The following CDH13 variants were observed in gnomAD, a reference collection of about 807,000 sequenced individuals.
CDH13 encodes the protein cadherin-13.
In CDH13, 24 loss-of-function variants were observed where a neutral mutation model predicts 63.8. The observed-to-expected ratio is 0.38, with a 90% CI of 0.27 to 0.53. CDH13 has a LOEUF of 0.53. Ranked by LOEUF, CDH13 falls within the 20% of genes least tolerant of loss-of-function variation. CDH13 has a pLI of 0.85. For missense variants in CDH13, 1,049 were observed against 903.1 expected, an observed-to-expected ratio of 1.16 and a Z score of -2.07; for synonymous variants, 503 against 355.3, an observed-to-expected ratio of 1.42 and a Z score of -4.67.
intron 6 of CDH13, among the ~76,000 whole-genome samples, chr16:83,372,874 A>G (rs1283791646): frequency 1.3e-5 from 2 of 152,188 alleles, no homozygotes; most frequent in Non-Finnish European, 2.9e-5. Flanking sequence ...AACTGTGCTA[A>G]GTTGACAAAA....
intron 3 of CDH13, among the ~76,000 whole-genome samples, chr16:83,112,866 G>A (rs1272902654): frequency 6.6e-6 from 1 of 152,072 alleles, no homozygotes; most frequent in African/African-American, 2.4e-5. Flanking sequence ...CAGTATATTT[G>A]GCTATTAGGA....
chr16:83,137,532 C>G lies in CDH13; in HGVS notation c.483+12031C>G, dbSNP rs187670606. Among the ~76,000 whole-genome samples, 935 of 152,274 alleles carry G rather than the reference C, an allele frequency of 6.1e-3. 13 individuals are homozygous for G. The highest frequency in any genetic ancestry group is 0.022 in the African/African-American group (902 of 41,560). The stretch of plus-strand genomic sequence containing the variant: ...GCAAAAAACGGCTTTCTTTGTCTGG[C>G]AAGAAAAGCCACTGCCTCGCTTCAG... On this transcript the variant is annotated intron_variant, in intron 4 of 13. Coordinates refer to ENST00000567109, the MANE Select transcript of CDH13 (RefSeq NM_001257.5).
chr16:83,205,216 T>G (rs1048572491), intron 4 of CDH13, among the ~76,000 whole-genome samples: 1 of 152,176 alleles, frequency 6.6e-6, no homozygotes, highest in South Asian at 2.1e-4. Context: ...TTCAAAGGGC[T>G]CAGTGATCAG....
At chr16:83,189,633 C>G (rs555028803) in intron 4 of CDH13, among the ~76,000 whole-genome samples, 9 of 152,308 alleles carry the variant, frequency 5.9e-5, no homozygotes, top group African/African-American at 2.2e-4. Flanking sequence ...ACTTTGTACT[C>G]TCCCTTTGCG....
intron 7 of CDH13, among the ~76,000 whole-genome samples, chr16:83,527,451 A>G (rs372897513): frequency 1.3e-5 from 2 of 152,032 alleles, no homozygotes; most frequent in East Asian, 1.9e-4. Context: ...CCCATCTCAA[A>G]AAAAAAAAAA....
At position 82,906,238 on chromosome 16, in the gene CDH13, T is replaced by C. The variant is rs139247053; in HGVS notation, c.157+47765T>C. 2.5e-4 allele frequency among the ~76,000 whole-genome samples: 38 copies of C among 152,304 alleles called. No homozygotes were observed. The East Asian group carries it at 6.8e-3, about 27-fold the overall frequency. ...TTTCAGATGTTCAGGAGCCCTTTACTAGAAGGTTGATAGATTAATAATCTC... is the reference window on the plus strand; with the variant it reads ...TTTCAGATGTTCAGGAGCCCTTTACCAGAAGGTTGATAGATTAATAATCTC... On this transcript the variant is annotated intron_variant, in intron 2 of 13. Transcript: ENST00000567109.
chr16:83,401,001 C>G (rs766898968), intron 6 of CDH13, among the ~76,000 whole-genome samples: 3 of 152,076 alleles, frequency 2.0e-5, no homozygotes, highest in African/African-American at 7.2e-5. Context: ...GCCAGGAGTT[C>G]GAGCCAGCCT....
chr16:83,200,939 G>GTGTA (rs2039009658), intron 4 of CDH13, among the ~76,000 whole-genome samples: 1 of 147,260 alleles, frequency 6.8e-6, no homozygotes. Context: ...GTGTGTGTGT[G>GTGTA]TGTGTGTGTG....
chr16:83,155,188 A>G (rs564103536), intron 4 of CDH13, among the ~76,000 whole-genome samples: 1 of 152,348 alleles, frequency 6.6e-6, no homozygotes, highest in African/African-American at 2.4e-5. Context: ...CCTGAGAAAT[A>G]TTGGACAGCA....
intron 1 of CDH13, chr16:82,639,497 G>A (rs1199194042): frequency 2.8e-6 from 4 of 1,415,176 alleles, no homozygotes; most frequent in African/African-American, 1.4e-5. Context: ...TCGTGTGGCT[G>A]GATGGAATTC....
In CDH13 at chr16:83,105,645, A is replaced by G. The variant is rs115446515; in HGVS notation, c.367-19740A>G. 5.1e-3 allele frequency among the ~76,000 whole-genome samples: 763 copies of G among 149,738 alleles called. 5 individuals are homozygous for G. The highest frequency in any genetic ancestry group is 0.019 in the African/African-American group (732 of 39,106). ...ATTAGATGGCATGAATTAAATAGATACTACTTATTAAAGTTAAAAAAAAAA... is the reference window on the plus strand; with the variant it reads ...ATTAGATGGCATGAATTAAATAGATGCTACTTATTAAAGTTAAAAAAAAAA... On this transcript the variant is annotated intron_variant, in intron 3 of 13. Transcript: ENST00000567109.
At chr16:83,760,987 CTGCAGTCCCTACCATGCTT>C (rs1913922254) in intron 11 of CDH13, among the ~76,000 whole-genome samples, 1 of 152,202 alleles carries the variant, frequency 6.6e-6, no homozygotes, top group Non-Finnish European at 1.5e-5. Context: ...ATCATGTTCC[CTGCAGTCCCTACCATGCTT>C]TGCAACGGGC....
intron 3 of CDH13, among the ~76,000 whole-genome samples, chr16:83,112,356 T>G (rs9941009): frequency 6.6e-6 from 1 of 151,588 alleles, no homozygotes. Flanking sequence ...CAAACAGGCT[T>G]TGAGAGGGAG....
At chr16:83,684,770 C>T (rs928138987) in intron 10 of CDH13, among the ~76,000 whole-genome samples, 2 of 152,206 alleles carry the variant, frequency 1.3e-5, no homozygotes, top group Non-Finnish European at 2.9e-5. Context: ...AAGGGTCATT[C>T]ATCCAGGGAG....
At chr16:82,760,765 G>A (rs1267141135) in intron 1 of CDH13, among the ~76,000 whole-genome samples, 2 of 152,104 alleles carry the variant, frequency 1.3e-5, no homozygotes, top group Non-Finnish European at 2.9e-5. Flanking sequence ...TCTGGTGAGG[G>A]CCTCAGGCAG....
At chr16:82,802,865 C>T (rs748417343) in intron 1 of CDH13, among the ~76,000 whole-genome samples, 10 of 152,210 alleles carry the variant, frequency 6.6e-5, no homozygotes, top group Non-Finnish European at 1.2e-4. Context: ...AAAGGACTCT[C>T]TGCCACCATC....
At chr16:82,845,331 C>A (rs2039212290) in intron 1 of CDH13, among the ~76,000 whole-genome samples, 1 of 152,188 alleles carries the variant, frequency 6.6e-6, no homozygotes. Flanking sequence ...CCCCTCCTTT[C>A]CCATCTCTGC....
chr16:83,046,984 G>T (rs1597216682), intron 3 of CDH13, among the ~76,000 whole-genome samples: 1 of 152,180 alleles, frequency 6.6e-6, no homozygotes, highest in African/African-American at 2.4e-5. Flanking sequence ...GAAATCAGAT[G>T]GTTTCCTCAA....
At chr16:83,515,344 C>G in intron 7 of CDH13, among the ~76,000 whole-genome samples, 1 of 152,226 alleles carries the variant, frequency 6.6e-6, no homozygotes, top group East Asian at 1.9e-4. Flanking sequence ...ACACTTCTCT[C>G]TGCAGTAACT....
Sources: allele counts gnomAD v4.1 joint callset (sites outside exome capture counted in the v4.1 genomes callset), GRCh38; gene constraint gnomAD v4.1.1; transcripts MANE v1.5; gene names NCBI Gene and HGNC (gene_info 2026-07-23, HGNC 2026-07-21).